Variants in ESRRG observed in about 807,000 individuals in gnomAD.
ESRRG encodes estrogen related receptor gamma.
Under a neutral mutation model 44.0 loss-of-function variants are expected in ESRRG, and 13 were observed. The observed-to-expected ratio is 0.30, with a 90% CI of 0.19 to 0.47. The LOEUF (loss-of-function observed/expected upper bound fraction) is 0.47. ESRRG is among the 20% of genes least tolerant of loss of function. The pLI, the probability that ESRRG is intolerant of heterozygous loss-of-function variation, is 1.00. For synonymous variants in ESRRG, 215 were observed against 214.6 expected (o/e 1.00, Z -0.02); for missense variants, 395 against 580.6 (o/e 0.68, Z 3.29).
intron 2 of ESRRG, among the ~76,000 whole-genome samples, chr1:216,654,204 C>A (rs1006326542): frequency 2.0e-4 from 30 of 151,800 alleles, no homozygotes; most frequent in Admixed American, 9.8e-4. Context: ...ATTTTCTTAT[C>A]TCAGGGTCAT....
intron 2 of ESRRG, among the ~76,000 whole-genome samples, chr1:216,773,435 A>T (rs2093463101): frequency 6.6e-6 from 1 of 152,080 alleles, no homozygotes; most frequent in South Asian, 2.1e-4. Context: ...TTTCTGCACC[A>T]CTGATCCCAC....
upstream of ESRRG, chr1:217,090,642 C>T (rs1232674288): frequency 6.6e-6 from 1 of 152,052 alleles, no homozygotes; most frequent in African/African-American, 2.4e-5. Context: ...GAGCGAGAGA[C>T]AAATAGAGAG....
intron 2 of ESRRG, among the ~76,000 whole-genome samples, chr1:216,837,015 A>C (rs968286430): frequency 6.6e-6 from 1 of 152,216 alleles, no homozygotes; most frequent in African/African-American, 2.4e-5. Flanking sequence ...TACTGGACGG[A>C]TCAAACATGC....
chr1:216,507,062 C>T lies in ESRRG; in HGVS notation c.1254G>A (p.Leu418=), dbSNP rs1349181200. The T allele has an allele frequency of 1.2e-6, 2 of 1,614,196 alleles. No homozygotes were observed. Among genetic ancestry groups the T allele is most frequent in the Admixed American group, 1.7e-5 (1 of 60,030 alleles). The change falls in exon 7 of 7, where the codon CTG becomes CTA. Residue 418 remains leucine (L), a synonymous_variant. Coordinates refer to ENST00000408911, the MANE Select transcript of ESRRG (RefSeq NM_001438.4). ...TCTGCCTCAGGAGTGGCAGTGTCAT[C>T]AGCATCTTGCCAGCTCGACGAGGGT... The part of the protein sequence containing the change: ...MEDPRRAGKM[L]MTLPLLRQTS...
intron 2 of ESRRG, among the ~76,000 whole-genome samples, chr1:216,664,692 G>GAAAAAAAAAA (rs71163758): frequency 7.5e-6 from 1 of 133,782 alleles, no homozygotes. Context: ...TGCTACTGAA[G>GAAAAAAAAAA]AAAAAAAAAA....
chr1:216,764,946 A>G lies in ESRRG; in HGVS notation c.-13-87455T>C, dbSNP rs146435125. Among the ~76,000 whole-genome samples, 365 of 152,166 alleles carry G rather than the reference A, an allele frequency of 2.4e-3. 2 individuals are homozygous for G. Among genetic ancestry groups the G allele is most frequent in the African/African-American group, 8.5e-3 (354 of 41,552 alleles). On this transcript the variant is annotated intron_variant, in intron 2 of 7. Coordinates refer to the ESRRG transcript ENST00000359162. ...CTTGGGAGAGGGAGAGTTGTGTGGA[A>G]CAGCCGCCCTTCAGGGAAGCGGTGA...
intron 1 of ESRRG, among the ~76,000 whole-genome samples, chr1:217,106,889 T>C (rs977880656): frequency 6.6e-6 from 1 of 152,194 alleles, no homozygotes; most frequent in Admixed American, 6.5e-5. Context: ...TTTTATACTT[T>C]CACCAAGCTC....
intron 2 of ESRRG, among the ~76,000 whole-genome samples, chr1:216,919,404 C>T (rs1027459840): frequency 1.3e-5 from 2 of 152,112 alleles, no homozygotes; most frequent in African/African-American, 4.8e-5. Flanking sequence ...TGAGAAACAT[C>T]ATATTTCAAA....
At chr1:216,748,241 G>T (rs2091634499) in intron 2 of ESRRG, among the ~76,000 whole-genome samples, 2 of 152,110 alleles carry the variant, frequency 1.3e-5, no homozygotes, top group African/African-American at 4.8e-5. Flanking sequence ...GTTAATCCAT[G>T]CTACCCAGAC....
intron 3 of ESRRG, among the ~76,000 whole-genome samples, chr1:216,641,708 G>C (rs2066468498): frequency 1.3e-5 from 2 of 152,192 alleles, no homozygotes. Context: ...CCTAAATAGA[G>C]TTCCCAGGAA....
intron 2 of ESRRG, among the ~76,000 whole-genome samples, chr1:216,765,066 C>T (rs1162550265): frequency 6.6e-6 from 1 of 152,062 alleles, no homozygotes; most frequent in Non-Finnish European, 1.5e-5. Context: ...TTCTTCTTCT[C>T]TCCAATCTCC....
intron 1 of ESRRG, among the ~76,000 whole-genome samples, chr1:216,994,820 C>T (rs2076175305): frequency 6.6e-6 from 1 of 151,994 alleles, no homozygotes; most frequent in Non-Finnish European, 1.5e-5. Flanking sequence ...CTCCTGACCT[C>T]GTGATCCACC....
chr1:217,098,404 T>TA (rs2092457183), intron 1 of ESRRG, among the ~76,000 whole-genome samples: 1 of 152,220 alleles, frequency 6.6e-6, no homozygotes, highest in Non-Finnish European at 1.5e-5. Flanking sequence ...GCATTATTAT[T>TA]ATGCCCAATT....
intron 2 of ESRRG, among the ~76,000 whole-genome samples, chr1:216,891,537 G>A (rs1035061745): frequency 3.3e-5 from 5 of 152,208 alleles, no homozygotes; most frequent in African/African-American, 4.8e-5. Flanking sequence ...GAATAAGCCT[G>A]CTTTTGTCTT....
intron 2 of ESRRG, among the ~76,000 whole-genome samples, chr1:216,919,345 A>G (rs2061554288): frequency 6.6e-6 from 1 of 152,152 alleles, no homozygotes. Flanking sequence ...TTTATATTCA[A>G]TTTGTCAAAA....
At chr1:216,977,267 C>A (rs943864632) in intron 1 of ESRRG, among the ~76,000 whole-genome samples, 5 of 151,162 alleles carry the variant, frequency 3.3e-5, no homozygotes, top group Admixed American at 6.6e-5. Flanking sequence ...AGTTTTAATG[C>A]AACCTAATGG....
chr1:217,104,763 T>C (rs952072142), intron 1 of ESRRG, among the ~76,000 whole-genome samples: 1 of 152,180 alleles, frequency 6.6e-6, no homozygotes, highest in African/African-American at 2.4e-5. Context: ...GGCTTTATCA[T>C]GTGATCAGCA....
At chr1:216,980,389 A>G (rs138157213) in intron 1 of ESRRG, among the ~76,000 whole-genome samples, 239 of 152,234 alleles carry the variant, frequency 1.6e-3, no homozygotes, top group African/African-American at 3.5e-3. Flanking sequence ...GACAATGCAC[A>G]ATGTTTTACT....
intron 2 of ESRRG, among the ~76,000 whole-genome samples, chr1:216,828,349 T>C (rs77117509): frequency 0.022 from 3,324 of 152,280 alleles, 135 homozygotes; most frequent in African/African-American, 0.076. Context: ...ATGGATTTAT[T>C]TACCTGTTCG....
Sources: allele counts gnomAD v4.1 joint callset (sites outside exome capture counted in the v4.1 genomes callset), GRCh38; gene constraint gnomAD v4.1.1; transcripts MANE v1.5; gene names NCBI Gene and HGNC (gene_info 2026-07-23, HGNC 2026-07-21).